Variants in ZNF138 observed in about 807,000 individuals in gnomAD.
The protein encoded by ZNF138 is zinc finger protein 138 (clone pHZ-32).
ZNF138 carries 33 observed loss-of-function variants against 33.0 expected under a neutral mutation model. The observed-to-expected ratio is 1.00, with a 90% CI of 0.76 to 1.34. ZNF138 has a LOEUF of 1.34. ZNF138 is among the 40% of genes most tolerant of loss of function. ZNF138 has a pLI of 0.00. For missense variants in ZNF138, 360 were observed against 370.8 expected, an observed-to-expected ratio of 0.97 and a Z score of 0.24; for synonymous variants, 139 against 120.4, an observed-to-expected ratio of 1.15 and a Z score of -1.01.
intron 3 of ZNF138, among the ~76,000 whole-genome samples, chr7:64,822,378 G>A (rs1290601038): frequency 6.6e-6 from 1 of 151,590 alleles, no homozygotes; most frequent in Admixed American, 6.6e-5. Flanking sequence ...GTAATGCCAA[G>A]ATCAATGTCA....
At chr7:64,812,144 C>T (rs1583826499) in intron 1 of ZNF138, among the ~76,000 whole-genome samples, 1 of 150,882 alleles carries the variant, frequency 6.6e-6, no homozygotes, top group African/African-American at 2.4e-5. Context: ...TCAAGATACA[C>T]TCATGAGAGT....
At chr7:64,810,011 T>C (rs374914867) in intron 1 of ZNF138, among the ~76,000 whole-genome samples, 2 of 77,142 alleles carry the variant, frequency 2.6e-5, no homozygotes, top group South Asian at 6.2e-4. Flanking sequence ...ACATCCCAGA[T>C]GATGGGCGGC....
Position 64,805,869 on chromosome 7 carries a change from C to T in ZNF138, c.4-9049C>T, listed in dbSNP as rs552818072. Among the ~76,000 whole-genome samples, 3 of 152,332 alleles carry T rather than the reference C, an allele frequency of 2.0e-5. No homozygotes were observed. In the East Asian group the frequency reaches 5.8e-4, roughly 29 times the overall value. On this transcript the variant is annotated intron_variant, in intron 1 of 3. Transcript: ENST00000307355. ...TAACCAATTAACACACATGGATGGC[C>T]TCCCCAATTACCAGGTGAATTTAGG...
chr7:64,795,778 C>T (rs976413895), intron 1 of ZNF138, among the ~76,000 whole-genome samples: 1 of 151,522 alleles, frequency 6.6e-6, no homozygotes, highest in African/African-American at 2.4e-5. Flanking sequence ...GGTAATGTGT[C>T]CTTAGTCACT....
rs908040378 is a variant in ZNF138 at position 64,833,405 on chromosome 7, A to T, written c.*1203A>T. The T allele has an allele frequency of 6.3e-6, 1 of 159,062 alleles. No homozygotes were observed. The highest frequency in any genetic ancestry group is 6.2e-5 in the Admixed American group (1 of 16,108). The allele number at this position is 159,062 out of a possible 1,614,324, so 9.9% of individuals were successfully genotyped here. A position where few individuals can be genotyped will look rare whatever the true frequency, so the allele number is the denominator to read the frequency against. Reference sequence around the variant, plus strand: ...AAGGAAATCATACTGGTAAGAAATTATAAAAATGTGAAGAATGTGACAAAG... The same window carrying T: ...AAGGAAATCATACTGGTAAGAAATTTTAAAAATGTGAAGAATGTGACAAAG... On this transcript the variant is annotated 3_prime_UTR_variant, in exon 4 of 4. Coordinates refer to ENST00000307355, the MANE Select transcript of ZNF138 (RefSeq NM_001271639.2).
chr7:64,817,992 TATTA>T (rs1583850489), intron 3 of ZNF138, among the ~76,000 whole-genome samples: 1 of 126,436 alleles, frequency 7.9e-6, no homozygotes, highest in Non-Finnish European at 1.8e-5. Flanking sequence ...TTATTATTAT[TATTA>T]TTTTTTTTTT....
chr7:64,815,544 T>TA (rs1299611299), intron 2 of ZNF138, 32 bp from the exon 3 acceptor site: 2 of 1,589,028 alleles, frequency 1.3e-6, no homozygotes, highest in South Asian at 2.3e-5. Flanking sequence ...TACTTATTTT[T>TA]AATAAAACAA....
intron 1 of ZNF138, among the ~76,000 whole-genome samples, chr7:64,809,256 T>C (rs113286578): frequency 0.55 from 417 of 756 alleles, 173 homozygotes; most frequent in East Asian, 1. Context: ...GCTGGCCGGG[T>C]GGGGGGCTGA....
intron 3 of ZNF138, among the ~76,000 whole-genome samples, chr7:64,819,110 T>A (rs902326242): frequency 3.9e-5 from 6 of 152,204 alleles, no homozygotes; most frequent in African/African-American, 1.4e-4. Context: ...TAAGTCAATG[T>A]GGGGTTTAAT....
chr7:64,804,519 C>A (rs1787416936), intron 1 of ZNF138, among the ~76,000 whole-genome samples: 1 of 152,094 alleles, frequency 6.6e-6, no homozygotes, highest in South Asian at 2.1e-4. Context: ...GGGTTTTTGT[C>A]TGCAGCTTGT....
chr7:64,828,379 T>A (rs1414828948), intron 3 of ZNF138, among the ~76,000 whole-genome samples: 1 of 152,160 alleles, frequency 6.6e-6, no homozygotes, highest in African/African-American at 2.4e-5. Flanking sequence ...TTTCAAACAC[T>A]ATTTTGTTTC....
chr7:64,855,360 A>G, the ZNF138 span, among the ~76,000 whole-genome samples: 1 of 152,242 alleles, frequency 6.6e-6, no homozygotes, highest in Non-Finnish European at 1.5e-5. Flanking sequence ...TATTCCTGGT[A>G]AGTCAGAGAC....
At position 64,806,835 on chromosome 7, in the gene ZNF138, C is replaced by T. The variant is rs186372443; in HGVS notation, c.4-8083C>T. On this transcript the variant is annotated intron_variant, in intron 1 of 3. Transcript: ENST00000307355. Reference sequence around the variant, plus strand: ...TTTTGTAAATAAGAATTTCTGGCAACCTTTTATCAGCCCACTCTGTTGTTG... The same window carrying T: ...TTTTGTAAATAAGAATTTCTGGCAATCTTTTATCAGCCCACTCTGTTGTTG... 3.3e-5 allele frequency among the ~76,000 whole-genome samples: 5 copies of T among 152,326 alleles called. No individual in the cohort carries two copies. In the East Asian group the frequency reaches 9.6e-4, roughly 29 times the overall value.
In ZNF138 at chr7:64,815,590, C is replaced by T. The variant is rs1490308130; in HGVS notation, c.145C>T (p.Leu49=). Reference sequence around the variant, plus strand: ...CTCTAAGCCAGACCTGATTACCTGTCTGGAACAAGGAAAAGAGCCCTGGAA... The same window carrying T: ...CTCTAAGCCAGACCTGATTACCTGTTTGGAACAAGGAAAAGAGCCCTGGAA... ...NLVFLDLITC[L]EQGKEPWNMK... is the part of the protein sequence containing the mutation. Residue 49 remains leucine (L), a synonymous_variant, in exon 3 of 4, where the codon CTG becomes TTG. Transcript: ENST00000307355. 1.9e-6 allele frequency: 3 copies of T among 1,612,156 alleles called. No individual in the cohort carries two copies. The highest frequency in any genetic ancestry group is 1.3e-5 in the African/African-American group (1 of 74,730).
intron 1 of ZNF138, among the ~76,000 whole-genome samples, chr7:64,797,524 T>C (rs1786782978): frequency 1.3e-5 from 2 of 152,056 alleles, no homozygotes; most frequent in South Asian, 4.1e-4. Flanking sequence ...GAAGGGAGGT[T>C]ATTAAAGGCC....
intron 1 of ZNF138, among the ~76,000 whole-genome samples, chr7:64,794,864 C>T (rs1361059192): frequency 2.0e-5 from 3 of 152,148 alleles, no homozygotes; most frequent in Admixed American, 2.0e-4. Flanking sequence ...GGAGGGTCGT[C>T]AGGGGAGAAT....
At chr7:64,827,852 C>T (rs1267383802) in intron 3 of ZNF138, among the ~76,000 whole-genome samples, 1 of 152,066 alleles carries the variant, frequency 6.6e-6, no homozygotes, top group African/African-American at 2.4e-5. Flanking sequence ...TATGCCACCT[C>T]ACACCAATCA....
intron 1 of ZNF138, among the ~76,000 whole-genome samples, chr7:64,805,715 A>G (rs552611482): frequency 6.6e-6 from 1 of 152,368 alleles, no homozygotes; most frequent in African/African-American, 2.4e-5. Flanking sequence ...GTAAATAGCC[A>G]TAAAGATAGC....
At chr7:64,798,528 A>G (rs1786875588) in intron 1 of ZNF138, among the ~76,000 whole-genome samples, 1 of 152,200 alleles carries the variant, frequency 6.6e-6, no homozygotes, top group Non-Finnish European at 1.5e-5. Flanking sequence ...ATGGTGGCTT[A>G]CGCCTGTAAT....
Sources: allele counts gnomAD v4.1 joint callset (sites outside exome capture counted in the v4.1 genomes callset), GRCh38; gene constraint gnomAD v4.1.1; transcripts MANE v1.5; gene names NCBI Gene and HGNC (gene_info 2026-07-23, HGNC 2026-07-21).